The following DEUP1 variants were observed in gnomAD, a reference collection of about 807,000 sequenced individuals.
DEUP1 encodes deuterosome assembly protein 1.
A neutral mutation model predicts 87.4 loss-of-function variants in DEUP1; 82 were observed. The observed-to-expected ratio is 0.94, with a 90% CI of 0.78 to 1.13. The LOEUF (loss-of-function observed/expected upper bound fraction) is 1.13, where lower values mean the gene tolerates loss of function less well. Among genes scored for constraint, DEUP1 ranks in the 50% most tolerant of loss-of-function variants. The pLI is 0.00. For synonymous variants in DEUP1, 214 were observed against 222.7 expected (o/e 0.96, Z 0.35); for missense variants, 663 against 681.5 (o/e 0.97, Z 0.30).
intron 5 of DEUP1, among the ~76,000 whole-genome samples, chr11:93,366,865 GC>G (rs1945443022): frequency 6.6e-6 from 1 of 152,066 alleles, no homozygotes; most frequent in South Asian, 2.1e-4. Flanking sequence ...AGTCAATCTT[GC>G]CCAAAATTTG....
intron 13 of DEUP1, among the ~76,000 whole-genome samples, chr11:93,429,228 G>A (rs919662345): frequency 5.9e-5 from 9 of 152,140 alleles, no homozygotes; most frequent in Non-Finnish European, 1.5e-5. Flanking sequence ...TGAAGTATTA[G>A]AGATGTCTAA....
At chr11:93,374,672 G>T (rs1945941406) in intron 7 of DEUP1, among the ~76,000 whole-genome samples, 1 of 152,078 alleles carries the variant, frequency 6.6e-6, no homozygotes, top group Non-Finnish European at 1.5e-5. Context: ...ATGCTGTTTT[G>T]GTGACTATAG....
chr11:93,348,325 CTCTG>C (rs1944461644), intron 2 of DEUP1, among the ~76,000 whole-genome samples: 1 of 151,850 alleles, frequency 6.6e-6, no homozygotes, highest in South Asian at 2.1e-4. Context: ...TTTTTTATGT[CTCTG>C]TCTTCTTCAA....
At chr11:93,394,106 T>C (rs556380707) in intron 9 of DEUP1, among the ~76,000 whole-genome samples, 1 of 152,324 alleles carries the variant, frequency 6.6e-6, no homozygotes, top group Non-Finnish European at 1.5e-5. Flanking sequence ...GCTTTATGAC[T>C]TTGAGCAAAT....
chr11:93,379,438 A>C (rs1343383246), intron 7 of DEUP1, among the ~76,000 whole-genome samples: 1 of 152,210 alleles, frequency 6.6e-6, no homozygotes, highest in Non-Finnish European at 1.5e-5. Context: ...CTGTACATTG[A>C]GGAACATTAT....
intron 5 of DEUP1, among the ~76,000 whole-genome samples, chr11:93,366,960 C>A (rs920146520): frequency 6.6e-6 from 1 of 152,070 alleles, no homozygotes; most frequent in Admixed American, 6.5e-5. Context: ...GAAATGTTAG[C>A]TATTTTCTAC....
Position 93,371,091 on chromosome 11 carries a change from A to G in DEUP1, c.600A>G (p.Glu200=), listed in dbSNP as rs757857746. Residue 200 remains glutamate, a synonymous_variant, in exon 7 of 14, where the codon GAA becomes GAG. Coordinates refer to ENST00000298050, the MANE Select transcript of DEUP1 (RefSeq NM_181645.4). ...TQLNGKKQCL[E]DSSSEIPRLI... ...TAAATGGTAAAAAACAGTGCTTAGA[A>G]GACAGCAGCTCTGAAATTCCTCGTT... 2 of 1,612,598 alleles carry G rather than the reference A, an allele frequency of 1.2e-6. No homozygotes were observed. The highest frequency in any genetic ancestry group is 1.7e-4 in the Middle Eastern group (1 of 6,058).
intron 11 of DEUP1, among the ~76,000 whole-genome samples, chr11:93,407,785 C>T (rs1947321418): frequency 6.6e-6 from 1 of 151,558 alleles, no homozygotes; most frequent in South Asian, 2.1e-4. Flanking sequence ...AAGGTATATC[C>T]TATGAACACA....
At chr11:93,341,704 A>C (rs1565291816) in intron 2 of DEUP1, among the ~76,000 whole-genome samples, 2 of 152,184 alleles carry the variant, frequency 1.3e-5, no homozygotes, top group African/African-American at 4.8e-5. Flanking sequence ...CCCGGATGAC[A>C]GAGTAAGACC....
intron 7 of DEUP1, among the ~76,000 whole-genome samples, chr11:93,381,387 A>C (rs576648137): frequency 1.3e-5 from 2 of 152,312 alleles, no homozygotes; most frequent in East Asian, 3.9e-4. Context: ...ACATAAATGC[A>C]AAAAGACAAC....
intron 11 of DEUP1, 116 bp from the exon 12 acceptor site, chr11:93,408,115 C>A: frequency 1.4e-6 from 1 of 693,658 alleles, no homozygotes; most frequent in Non-Finnish European, 2.3e-6. Flanking sequence ...AAGAGTACAG[C>A]CACATCACTT....
chr11:93,332,930 G>T (rs1472067082), intron 2 of DEUP1, among the ~76,000 whole-genome samples: 1 of 152,184 alleles, frequency 6.6e-6, no homozygotes, highest in African/African-American at 2.4e-5. Flanking sequence ...AAGGGGTGAA[G>T]GGGTGGTTGT....
intron 2 of DEUP1, among the ~76,000 whole-genome samples, chr11:93,354,330 G>C (rs1441643435): frequency 6.6e-6 from 1 of 152,114 alleles, no homozygotes; most frequent in Non-Finnish European, 1.5e-5. Context: ...ATCACTATCA[G>C]CATTTTTGTC....
rs529862351 is a variant in DEUP1 at position 93,437,750 on chromosome 11, C to CCT, written c.*32_*33insTC. On this transcript the variant is annotated 3_prime_UTR_variant, in exon 14 of 14. Coordinates refer to ENST00000298050, the MANE Select transcript of DEUP1 (RefSeq NM_181645.4). ...TAAACTTTTTTATTTGCTTCCCCCC[C>CCT]CCACCCCCGCCAAGAAAAAAAGCTC... 1.7e-4 allele frequency: 179 copies of CCT among 1,044,890 alleles called. 1 individual carries two copies. The highest frequency in any genetic ancestry group is 1.3e-3 in the South Asian group (88 of 67,274). The allele number at this position is 1,044,890 out of a possible 1,614,324, so 64.7% of individuals were successfully genotyped here.
chr11:93,353,065 G>C (rs1473511275), intron 2 of DEUP1, among the ~76,000 whole-genome samples: 1 of 152,114 alleles, frequency 6.6e-6, no homozygotes, highest in Non-Finnish European at 1.5e-5. Context: ...TCTCATCTGA[G>C]ACAAGGCAAG....
intron 13 of DEUP1, among the ~76,000 whole-genome samples, chr11:93,432,955 A>T (rs1001430491): frequency 3.3e-5 from 5 of 152,032 alleles, no homozygotes; most frequent in Non-Finnish European, 7.4e-5. Context: ...CCATCTTTTA[A>T]CTTCTTTTTT....
At chr11:93,381,839 T>G (rs1348869155) in intron 7 of DEUP1, among the ~76,000 whole-genome samples, 1 of 152,160 alleles carries the variant, frequency 6.6e-6, no homozygotes, top group Non-Finnish European at 1.5e-5. Context: ...TATATTTTAT[T>G]CAACCCACTA....
In DEUP1 at chr11:93,438,242, T is replaced by G. The variant is rs1020605357; in HGVS notation, c.*523T>G. On this transcript the variant is annotated 3_prime_UTR_variant, in exon 14 of 14. Transcript: ENST00000298050. ...TGGAAAAAAAAAGCTATAGCTTTAT[T>G]GTTTTTACATTCACCTTTATAATGT... 1 of 152,382 alleles carries G rather than the reference T, an allele frequency of 6.6e-6. No individual in the cohort carries two copies. Among genetic ancestry groups the G allele is most frequent in the Non-Finnish European group, 1.5e-5 (1 of 68,168 alleles). 9.4% of individuals were successfully genotyped at this position (152,382 alleles called of 1,614,324 possible).
intron 8 of DEUP1, among the ~76,000 whole-genome samples, chr11:93,388,322 G>A (rs1171822309): frequency 6.6e-6 from 1 of 152,154 alleles, no homozygotes; most frequent in Non-Finnish European, 1.5e-5. Context: ...CTGACTTCCA[G>A]TAGAAAGCAT....
Sources: allele counts gnomAD v4.1 joint callset (sites outside exome capture counted in the v4.1 genomes callset), GRCh38; gene constraint gnomAD v4.1.1; transcripts MANE v1.5; gene names NCBI Gene and HGNC (gene_info 2026-07-23, HGNC 2026-07-21).